Variants in FRMD4B observed in about 807,000 individuals in gnomAD.
FRMD4B encodes the protein FERM domain-containing protein 4B.
In FRMD4B, 74 loss-of-function variants were observed where a neutral mutation model predicts 141.5. The ratio of observed to expected loss-of-function variants is 0.52; its 90% CI spans 0.43 to 0.63. The LOEUF is 0.63. FRMD4B is among the 30% of genes least tolerant of loss of function. The probability of loss-of-function intolerance (pLI) is 0.00; values close to 1 mark genes in which losing one functional copy is unlikely to be tolerated. For synonymous variants in FRMD4B, 506 were observed against 467.9 expected (o/e 1.08, Z -1.05); for missense variants, 1,366 against 1,253.4 (o/e 1.09, Z -1.36).
intron 11 of FRMD4B, among the ~76,000 whole-genome samples, chr3:69,211,022 C>CAAAAA (rs1559720205): frequency 3.0e-4 from 1 of 3,368 alleles, no homozygotes; most frequent in African/African-American, 5.9e-4. Context: ...AATGCCATCT[C>CAAAAA]GAAAAAAAAA....
chr3:69,404,029 A>G (rs1704612400), intron 2 of FRMD4B, among the ~76,000 whole-genome samples: 1 of 152,152 alleles, frequency 6.6e-6, no homozygotes, highest in Non-Finnish European at 1.5e-5. Context: ...TCAAGTAGCT[A>G]GGACTATAGG....
intron 1 of FRMD4B, among the ~76,000 whole-genome samples, chr3:69,340,270 A>G (rs917528401): frequency 6.6e-5 from 10 of 152,000 alleles, no homozygotes; most frequent in African/African-American, 2.4e-4. Flanking sequence ...CACAGGTGCT[A>G]AGCATAGTAC....
chr3:69,413,766 A>G (rs924542285), intron 2 of FRMD4B, among the ~76,000 whole-genome samples: 21 of 152,268 alleles, frequency 1.4e-4, no homozygotes, highest in Admixed American at 3.3e-4. Flanking sequence ...GCGTTTCACA[A>G]AGCAGCAGAA....
intron 1 of FRMD4B, among the ~76,000 whole-genome samples, chr3:69,452,665 A>G (rs1042699200): frequency 1.1e-4 from 16 of 152,246 alleles, no homozygotes; most frequent in Non-Finnish European, 4.4e-5. Context: ...GAGAAACTAG[A>G]CATTAGTCTT....
intron 1 of FRMD4B, among the ~76,000 whole-genome samples, chr3:69,329,983 T>G (rs1426409965): frequency 1.3e-5 from 2 of 152,166 alleles, no homozygotes; most frequent in Non-Finnish European, 2.9e-5. Flanking sequence ...CATAGCTCAC[T>G]GATGAAGGTC....
At chr3:69,422,382 G>GAAAAA (rs374932228) in intron 2 of FRMD4B, among the ~76,000 whole-genome samples, 3 of 122,844 alleles carry the variant, frequency 2.4e-5, no homozygotes, top group Admixed American at 1.7e-4. Flanking sequence ...GCGAGACTCT[G>GAAAAA]AAAAAAAAAA....
At chr3:69,535,710 C>A (rs1365844426) in intron 1 of FRMD4B, 7 of 398,478 alleles carry the variant, frequency 1.8e-5, no homozygotes, top group South Asian at 9.4e-5. Context: ...CCGTAATGGG[C>A]AGTCCAGCCT....
At chr3:69,499,493 G>A (rs1443431098) in intron 1 of FRMD4B, among the ~76,000 whole-genome samples, 1 of 152,190 alleles carries the variant, frequency 6.6e-6, no homozygotes, top group East Asian at 1.9e-4. Flanking sequence ...TGTTGGACTA[G>A]ATGTGAAGGA....
At position 69,273,191 on chromosome 3, in the gene FRMD4B, A is replaced by G. The variant is rs149816036; in HGVS notation, c.501+14561T>C. On this transcript the variant is annotated intron_variant, in intron 5 of 22. Coordinates refer to ENST00000398540, the MANE Select transcript of FRMD4B (RefSeq NM_015123.3). ...AGAATGAGGTTTCAGGATTAACTGA[A>G]TTCCCTCAATGTAGTATATGCTCAG... Among the ~76,000 whole-genome samples, 39 of 152,338 alleles carry G rather than the reference A, an allele frequency of 2.6e-4. No individual in the cohort carries two copies. In the East Asian group the frequency reaches 5.0e-3, roughly 20 times the overall value.
At chr3:69,210,418 T>G (rs1419492104) in intron 11 of FRMD4B, among the ~76,000 whole-genome samples, 1 of 114,760 alleles carries the variant, frequency 8.7e-6, no homozygotes, top group Non-Finnish European at 1.9e-5. Flanking sequence ...ACAAGGCTGC[T>G]TTTTTTTTTT....
intron 1 of FRMD4B, among the ~76,000 whole-genome samples, chr3:69,367,070 A>C (rs1703686715): frequency 6.6e-6 from 1 of 152,114 alleles, no homozygotes; most frequent in South Asian, 2.1e-4. Context: ...CCAAGTGAAC[A>C]ATCATTTTTA....
At chr3:69,228,487 A>C in intron 7 of FRMD4B, 1 of 456,198 alleles carries the variant, frequency 2.2e-6, no homozygotes, top group South Asian at 1.5e-5. Flanking sequence ...GTTTCATATA[A>C]GATACAGATT....
chr3:69,498,506 T>C (rs1227478926), intron 1 of FRMD4B, among the ~76,000 whole-genome samples: 1 of 152,136 alleles, frequency 6.6e-6, no homozygotes, highest in East Asian at 1.9e-4. Context: ...TGTGCAAATA[T>C]AGCATGCTCT....
At position 69,536,475 on chromosome 3, in the gene FRMD4B, C is replaced by T; in HGVS notation, c.-129+5731G>A. On this transcript the variant is annotated intron_variant, in intron 1 of 5. Transcript: ENST00000459638. ...TGTGCAGGATGTAGAGCTTGACGGC[C>T]ACCGCCAACGTGCCCTAGCGCTACT... The T allele has an allele frequency of 5.7e-6, 4 of 701,088 alleles. No homozygotes were observed. The East Asian group carries it at 1.1e-4, about 19-fold the overall frequency. 43.4% of individuals were successfully genotyped at this position (701,088 alleles called of 1,614,324 possible).
chr3:69,177,369 G>A (rs1044833040), intron 21 of FRMD4B, among the ~76,000 whole-genome samples: 2 of 152,008 alleles, frequency 1.3e-5, no homozygotes, highest in South Asian at 2.1e-4. Context: ...AATAATTTCA[G>A]GTCAGCTCAG....
intron 19 of FRMD4B, among the ~76,000 whole-genome samples, chr3:69,185,144 C>CA (rs908755974): frequency 4.6e-5 from 7 of 151,620 alleles, no homozygotes; most frequent in Non-Finnish European, 8.8e-5. Flanking sequence ...ACTAAAAACA[C>CA]AAAAAAATTA....
intron 1 of FRMD4B, among the ~76,000 whole-genome samples, chr3:69,504,821 G>C (rs1221571732): frequency 2.0e-5 from 3 of 152,294 alleles, no homozygotes; most frequent in African/African-American, 7.2e-5. Context: ...CTAGGTGAAA[G>C]ATGATACACA....
At chr3:69,535,985 C>T (rs1293750024) in intron 1 of FRMD4B, 3 of 385,924 alleles carry the variant, frequency 7.8e-6, no homozygotes. Context: ...TGCCTCGGGC[C>T]TTTGCCTTCC....
chr3:69,265,599 CA>C (rs1408582310), intron 5 of FRMD4B, among the ~76,000 whole-genome samples: 1 of 151,256 alleles, frequency 6.6e-6, no homozygotes, highest in Non-Finnish European at 1.5e-5. Context: ...AGGCGCCCAC[CA>C]CCAAGCCCGG....
Sources: allele counts gnomAD v4.1 joint callset (sites outside exome capture counted in the v4.1 genomes callset), GRCh38; gene constraint gnomAD v4.1.1; transcripts MANE v1.5; gene names NCBI Gene and HGNC (gene_info 2026-07-23, HGNC 2026-07-21).